Variants in C2CD3 observed in about 807,000 individuals in gnomAD.
C2CD3 encodes the protein C2 domain-containing protein 3.
In C2CD3, 148 loss-of-function variants were observed where a neutral mutation model predicts 234.0. That is an observed-to-expected ratio of 0.63 (90% CI 0.55 to 0.72). The LOEUF (loss-of-function observed/expected upper bound fraction) is 0.72, where lower values mean the gene tolerates loss of function less well. Among genes scored for constraint, C2CD3 ranks in the 30% least tolerant of loss-of-function variants. The probability of loss-of-function intolerance (pLI) is 0.00; values close to 1 mark genes in which losing one functional copy is unlikely to be tolerated. For synonymous variants in C2CD3, 1,000 were observed against 1,035.4 expected (o/e 0.97, Z 0.66); for missense variants, 2,577 against 2,811.5 (o/e 0.92, Z 1.89).
intron 29 of C2CD3, among the ~76,000 whole-genome samples, chr11:74,041,215 A>C (rs1039144850): frequency 4.6e-5 from 7 of 152,094 alleles, no homozygotes; most frequent in African/African-American, 1.4e-4. Flanking sequence ...TAAGGGTAAT[A>C]ATTCTTAGTC....
At chr11:74,036,509 GT>G (rs1005515178) in intron 30 of C2CD3, 72 of 456,054 alleles carry the variant, frequency 1.6e-4, no homozygotes, top group African/African-American at 1.4e-3. Flanking sequence ...CAGAAAGAAG[GT>G]TTGTACTTAG....
At chr11:74,148,312 A>T (rs2135553950) in intron 3 of C2CD3, among the ~76,000 whole-genome samples, 1 of 152,188 alleles carries the variant, frequency 6.6e-6, no homozygotes, top group South Asian at 2.1e-4. Context: ...ATGATTTCAA[A>T]AGAAAAAAGC....
At position 74,029,787 on chromosome 11, in the gene C2CD3, C is replaced by T. The variant is rs564474740; in HGVS notation, c.6810-1389G>A. ...TTATGTTTTTTGAAACAGGGTCTCA[C>T]TCCCATTGTTCAGGCTGGAGTGCAG... On this transcript the variant is annotated intron_variant, in intron 31 of 32. Coordinates refer to ENST00000334126, the MANE Select transcript of C2CD3 (RefSeq NM_001286577.2). Among the ~76,000 whole-genome samples the T allele has an allele frequency of 2.6e-5, 4 of 152,336 alleles. No individual in the cohort carries two copies. The East Asian group carries it at 5.8e-4, about 22-fold the overall frequency.
intron 3 of C2CD3, among the ~76,000 whole-genome samples, chr11:74,147,925 T>C (rs549213705): frequency 3.9e-5 from 6 of 152,314 alleles, no homozygotes; most frequent in African/African-American, 1.2e-4. Flanking sequence ...CTAACACTAT[T>C]CAACTTACCT....
chr11:74,150,315 TA>T (rs1421691362), intron 3 of C2CD3, among the ~76,000 whole-genome samples: 120 of 142,676 alleles, frequency 8.4e-4, no homozygotes, highest in East Asian at 1.8e-3. Flanking sequence ...TGTCTCTACT[TA>T]AAAAAAAAAA....
In C2CD3 at chr11:74,170,864, T is replaced by A; in HGVS notation, c.-72A>T. On this transcript the variant is annotated 5_prime_UTR_variant, in exon 1 of 33. Transcript: ENST00000334126. ...CTAAGCAGTATCCTCCCGCCATCCC[T>A]CCCCACGGCGCCTGCGTTCCCCGGC... 6.6e-7 allele frequency: 1 copy of A among 1,521,730 alleles called. No homozygotes were observed. Among genetic ancestry groups the A allele is most frequent in the Non-Finnish European group, 8.9e-7 (1 of 1,126,040 alleles). The allele number at this position is 1,521,730 out of a possible 1,614,324, so 94.3% of individuals were successfully genotyped here.
Position 74,098,176 on chromosome 11 carries a change from C to G in C2CD3, c.2812G>C (p.Val938Leu), listed in dbSNP as rs201359741. ...CTCCCATTTTGGTGGCCTGAAAACA[C>G]ATCAATCACAGGCATGTAGCTGTCG... Reference protein sequence around the residue: ...AVDSYMPVIDVFSGHQNGSLR... With the variant: ...AVDSYMPVIDLFSGHQNGSLR... Residue 938 changes from valine to leucine, a missense_variant, in exon 16 of 33, where the codon GTG becomes CTG. Coordinates refer to ENST00000334126, the MANE Select transcript of C2CD3 (RefSeq NM_001286577.2). The G allele has an allele frequency of 5.0e-6, 8 of 1,614,060 alleles. No homozygotes were observed.
chr11:74,167,748 G>C (rs1434383817), intron 2 of C2CD3, among the ~76,000 whole-genome samples: 1 of 152,210 alleles, frequency 6.6e-6, no homozygotes, highest in Admixed American at 6.5e-5. Context: ...AGTACACTCA[G>C]AATACTTTTC....
At chr11:74,100,155 C>A (rs974091379) in intron 15 of C2CD3, among the ~76,000 whole-genome samples, 2 of 152,138 alleles carry the variant, frequency 1.3e-5, no homozygotes, top group African/African-American at 2.4e-5. Flanking sequence ...GAAGTGTGGA[C>A]TCCAGAGCCA....
At chr11:74,162,810 T>G (rs1421497310) in intron 2 of C2CD3, among the ~76,000 whole-genome samples, 1 of 152,214 alleles carries the variant, frequency 6.6e-6, no homozygotes, top group African/African-American at 2.4e-5. Flanking sequence ...AAATCTCAGT[T>G]TTCATTCTCA....
At chr11:74,139,267 T>G (rs1957968099) in intron 4 of C2CD3, among the ~76,000 whole-genome samples, 1 of 152,188 alleles carries the variant, frequency 6.6e-6, no homozygotes. Context: ...AAAAACCTGA[T>G]TCTTATTCCA....
Position 74,139,723 on chromosome 11 carries a change from C to T in C2CD3, c.589G>A (p.Glu197Lys). 2 of 1,612,480 alleles carry T rather than the reference C, an allele frequency of 1.2e-6. No homozygotes were observed. Among genetic ancestry groups the T allele is most frequent in the East Asian group, 2.2e-5 (1 of 44,874 alleles). Residue 197 changes from glutamate to lysine, a missense_variant, in exon 4 of 33, where the codon GAG (glutamate) becomes AAG (lysine). Coordinates refer to ENST00000334126, the MANE Select transcript of C2CD3 (RefSeq NM_001286577.2). Reference sequence around the variant, plus strand: ...TGGGTACTGCTGGGTTCAGTATTCTCTCTGAATCCCTGCTTAGATAAAAGC... The same window carrying T: ...TGGGTACTGCTGGGTTCAGTATTCTTTCTGAATCCCTGCTTAGATAAAAGC... ...NVLLSKQGFR[E>K]NTEPSSTQFQ...
At chr11:74,142,109 G>A (rs1317558550) in intron 3 of C2CD3, 1 of 152,226 alleles carries the variant, frequency 6.6e-6, no homozygotes, top group South Asian at 2.1e-4. Flanking sequence ...TTTCTCTATC[G>A]GCCAGGAAGG....
chr11:74,026,472 C>T (rs1952304307), intron 32 of C2CD3, among the ~76,000 whole-genome samples: 1 of 152,126 alleles, frequency 6.6e-6, no homozygotes, highest in Non-Finnish European at 1.5e-5. Context: ...AGGATTGTAT[C>T]CCAGGACTAT....
intron 22 of C2CD3, among the ~76,000 whole-genome samples, chr11:74,081,626 C>CCAT (rs916382454): frequency 6.8e-6 from 1 of 147,040 alleles, no homozygotes; most frequent in Admixed American, 6.7e-5. Context: ...ATCATCATCA[C>CCAT]CATCATCATC....
At chr11:74,083,663 A>C (rs1156736948) in intron 22 of C2CD3, among the ~76,000 whole-genome samples, 1 of 152,256 alleles carries the variant, frequency 6.6e-6, no homozygotes, top group African/African-American at 2.4e-5. Context: ...AAAAGAAGAC[A>C]TTTATGCAGC....
intron 24 of C2CD3, among the ~76,000 whole-genome samples, chr11:74,064,056 C>T (rs1282870169): frequency 6.6e-6 from 1 of 151,838 alleles, no homozygotes; most frequent in Non-Finnish European, 1.5e-5. Flanking sequence ...CCCCGTCCCA[C>T]CCCACAACAG....
chr11:74,032,839 T>C lies in C2CD3; in HGVS notation c.6809+512A>G, dbSNP rs148207984. The stretch of plus-strand genomic sequence containing the variant: ...ATGGTAATAACCTTGTACTCCAGCT[T>C]GGGTGACAGAATAACCTGTCTCTTA... On this transcript the variant is annotated intron_variant, in intron 31 of 32. Transcript: ENST00000334126. Among the ~76,000 whole-genome samples the C allele has an allele frequency of 1.3e-4, 19 of 151,666 alleles. No homozygotes were observed. The East Asian group carries it at 3.5e-3, about 28-fold the overall frequency.
Position 74,090,842 on chromosome 11 carries a change from G to A in C2CD3, c.3612C>T (p.Ile1204=). The A allele has an allele frequency of 1.2e-6, 2 of 1,614,112 alleles. No homozygotes were observed. The highest frequency in any genetic ancestry group is 1.7e-6 in the Non-Finnish European group (2 of 1,179,988). The change falls in exon 20 of 33, where the codon ATC becomes ATT. Residue 1204 remains isoleucine (I), a synonymous_variant. Transcript: ENST00000334126. ...ARTVSISVQI[I]RACGLQAAAK... ...CTGCTGCTTGCAGACCACAGGCTCT[G>A]ATAATCTGGACTGAGATGGAAACAG...
Sources: allele counts gnomAD v4.1 joint callset (sites outside exome capture counted in the v4.1 genomes callset), GRCh38; gene constraint gnomAD v4.1.1; transcripts MANE v1.5; gene names NCBI Gene and HGNC (gene_info 2026-07-23, HGNC 2026-07-21).